FOCAD: variants seen among roughly 807,000 people sequenced by gnomAD.
The protein encoded by FOCAD is KIAA1797.
In FOCAD, 198 loss-of-function variants were observed where a neutral mutation model predicts 225.6. That is an observed-to-expected ratio of 0.88 (90% CI 0.78 to 0.99). The LOEUF (loss-of-function observed/expected upper bound fraction) is 0.99, where lower values mean the gene tolerates loss of function less well. FOCAD is among the 50% of genes least tolerant of loss of function. The pLI is 0.00. For synonymous variants in FOCAD, 897 were observed against 755.0 expected (o/e 1.19, Z -3.08); for missense variants, 2,713 against 2,123.6 (o/e 1.28, Z -5.46).
chr9:20,750,936 G>T (rs1828482011), intron 5 of FOCAD, among the ~76,000 whole-genome samples: 1 of 152,060 alleles, frequency 6.6e-6, no homozygotes, highest in African/African-American at 2.4e-5. Context: ...TAAGGTTAGG[G>T]TTTTAATGGG....
intron 17 of FOCAD, among the ~76,000 whole-genome samples, chr9:20,866,486 C>A (rs1829263450): frequency 6.6e-6 from 1 of 151,994 alleles, no homozygotes; most frequent in South Asian, 2.1e-4. Flanking sequence ...ACTCCTTGTT[C>A]TCCTTCTGCT....
At chr9:20,726,608 A>T (rs1826220034) in intron 4 of FOCAD, among the ~76,000 whole-genome samples, 1 of 152,176 alleles carries the variant, frequency 6.6e-6, no homozygotes, top group Non-Finnish European at 1.5e-5. Context: ...AGGATATTAA[A>T]AATTCTTGTA....
At chr9:20,919,249 A>G (rs991177237) in intron 24 of FOCAD, among the ~76,000 whole-genome samples, 1 of 152,184 alleles carries the variant, frequency 6.6e-6, no homozygotes, top group Non-Finnish European at 1.5e-5. Flanking sequence ...TAGGAATCCA[A>G]CTTACAAGGG....
chr9:20,820,372 C>T lies in FOCAD; in HGVS notation c.1609C>T (p.Pro537Ser), dbSNP rs944716404. The T allele has an allele frequency of 1.2e-6, 2 of 1,612,862 alleles. No individual in the cohort carries two copies. The highest frequency in any genetic ancestry group is 8.5e-7 in the Non-Finnish European group (1 of 1,179,296). The change falls in exon 13 of 44, where the codon CCA becomes TCA. Residue 537 changes from proline (P) to serine (S), a missense_variant. Physicochemically the swap from Pro to Ser is moderately conservative, Grantham distance 74. Transcript: ENST00000338382. ...LRIIQLLGTT[P>S]RLRAVTLRLL... The stretch of plus-strand genomic sequence containing the variant: ...AATAATACAACTACTTGGAACCACA[C>T]CACGACTAAGAGCTGTCACTTTGCG...
chr9:20,831,772 G>A (rs929000497), intron 15 of FOCAD, among the ~76,000 whole-genome samples: 17 of 152,090 alleles, frequency 1.1e-4, no homozygotes, highest in African/African-American at 3.6e-4. Context: ...TTTGAATAGA[G>A]TTTTGAAAAG....
exon 1 of FOCAD, chr9:20,658,409 G>C (rs1234963740): frequency 6.0e-6 from 1 of 165,798 alleles, no homozygotes; most frequent in Non-Finnish European, 1.3e-5. Flanking sequence ...ATCTCAGACT[G>C]CTGTGCTAGC....
chr9:20,967,910 A>G (rs1839409410), intron 35 of FOCAD, among the ~76,000 whole-genome samples: 1 of 152,094 alleles, frequency 6.6e-6, no homozygotes, highest in South Asian at 2.1e-4. Flanking sequence ...TATTCATAAT[A>G]TGTATCAGTC....
chr9:20,780,407 CA>C (rs1305247769), intron 9 of FOCAD, among the ~76,000 whole-genome samples: 6 of 152,196 alleles, frequency 3.9e-5, no homozygotes, highest in Non-Finnish European at 7.3e-5. Flanking sequence ...CAGTATCAAA[CA>C]GTCAAATACT....
chr9:20,768,865 A>G (rs556872044), intron 7 of FOCAD, among the ~76,000 whole-genome samples: 20 of 152,228 alleles, frequency 1.3e-4, no homozygotes, highest in African/African-American at 4.8e-4. Flanking sequence ...ATATTTCTAC[A>G]TAAAGACAGA....
intron 11 of FOCAD, among the ~76,000 whole-genome samples, chr9:20,802,653 C>G (rs919633854): frequency 1.3e-5 from 2 of 152,078 alleles, no homozygotes; most frequent in African/African-American, 4.8e-5. Flanking sequence ...GTTATTCAGA[C>G]TAATAGATGA....
intron 1 of FOCAD, among the ~76,000 whole-genome samples, chr9:20,697,468 T>C (rs7867983): frequency 0.05 from 7,553 of 152,262 alleles, 657 homozygotes; most frequent in African/African-American, 0.17. Context: ...AATCTCTCAC[T>C]GCCTAACTTG....
chr9:20,672,173 T>A (rs1054575721), intron 2 of FOCAD, among the ~76,000 whole-genome samples: 8 of 152,174 alleles, frequency 5.3e-5, no homozygotes, highest in Admixed American at 4.6e-4. Flanking sequence ...GTTCCAAAGG[T>A]CCTGCTGGCA....
chr9:20,768,491 C>A (rs1817825270), intron 7 of FOCAD, among the ~76,000 whole-genome samples: 1 of 151,458 alleles, frequency 6.6e-6, no homozygotes, highest in Admixed American at 6.6e-5. Flanking sequence ...TTTGTATCCT[C>A]TTTTATTTCC....
intron 29 of FOCAD, among the ~76,000 whole-genome samples, chr9:20,946,457 TAGCTACATGAAATTG>T (rs1837187983): frequency 1.3e-5 from 2 of 152,204 alleles, no homozygotes; most frequent in African/African-American, 4.8e-5. Context: ...TGTCACTTGC[TAGCTACATGAAATTG>T]AGCTTCAAAG....
At position 20,862,567 on chromosome 9, in the gene FOCAD, T is replaced by A; in HGVS notation, c.1921-11T>A. The A allele has an allele frequency of 6.2e-7, 1 of 1,612,282 alleles. No homozygotes were observed. The highest frequency in any genetic ancestry group is 1.1e-5 in the South Asian group (1 of 90,712). ...CTTGTTAGGTGTTGACCTTTTCTAT[T>A]TGCTTCACAGGTTGTTTGCATTCGC... On this transcript the variant is annotated splice_polypyrimidine_tract_variant and intron_variant, in intron 15 of 43. Coordinates refer to ENST00000338382, the MANE Select transcript of FOCAD (RefSeq NM_001375567.1).
rs80149776 is a variant in FOCAD at position 20,876,061 on chromosome 9, A to G, written c.2317+1254A>G. 3.4e-3 allele frequency among the ~76,000 whole-genome samples: 525 copies of G among 152,278 alleles called. 4 individuals carry two copies. The highest frequency in any genetic ancestry group is 9.6e-3 in the African/African-American group (399 of 41,554). ...AAATTCCTGTGAAATTCAGCCAAAT[A>G]TATACTATTTATTTCTAGACAAAGC... On this transcript the variant is annotated intron_variant, in intron 19 of 43. Coordinates refer to ENST00000338382, the MANE Select transcript of FOCAD (RefSeq NM_001375567.1).
intron 5 of FOCAD, among the ~76,000 whole-genome samples, chr9:20,743,741 G>T (rs1014493516): frequency 5.9e-5 from 9 of 152,286 alleles, no homozygotes; most frequent in African/African-American, 1.9e-4. Flanking sequence ...AAATCAGCAT[G>T]TTACCCATTT....
At chr9:20,773,848 T>C (rs150545071) in intron 8 of FOCAD, among the ~76,000 whole-genome samples, 2 of 152,260 alleles carry the variant, frequency 1.3e-5, no homozygotes, top group African/African-American at 2.4e-5. Flanking sequence ...ATTTTGCTGA[T>C]TGCAACCGTA....
chr9:20,773,020 A>G (rs1198093355), intron 8 of FOCAD, among the ~76,000 whole-genome samples: 1 of 151,746 alleles, frequency 6.6e-6, no homozygotes, highest in Non-Finnish European at 1.5e-5. Flanking sequence ...ATACAGAAAG[A>G]TATTTTATAG....
Sources: allele counts gnomAD v4.1 joint callset (sites outside exome capture counted in the v4.1 genomes callset), GRCh38; gene constraint gnomAD v4.1.1; transcripts MANE v1.5; gene names NCBI Gene and HGNC (gene_info 2026-07-23, HGNC 2026-07-21).